CIMIP6: variants seen among roughly 807,000 people sequenced by gnomAD.
CIMIP6 encodes ciliary microtubule inner protein 6, also known as uncharacterized protein C2orf73.
At chr2:54,381,291 C>A in the CIMIP6 span, among the ~76,000 whole-genome samples, 637 of 152,278 alleles carry the variant, frequency 4.2e-3, 3 homozygotes, top group African/African-American at 0.015. Flanking sequence ...ATCTGAGGTT[C>A]TACTCCAATT....
chr2:54,335,046 T>G, the CIMIP6 span: 1 of 1,543,146 alleles, frequency 6.5e-7, no homozygotes, highest in African/African-American at 1.4e-5. Context: ...GTTCATTGTA[T>G]ACAAATAGAG....
At chr2:54,366,473 T>C in the CIMIP6 span, among the ~76,000 whole-genome samples, 1 of 152,202 alleles carries the variant, frequency 6.6e-6, no homozygotes, top group African/African-American at 2.4e-5. Context: ...TCCTAACTTA[T>C]ACAATGATTG....
chr2:54,338,501 A>T, the CIMIP6 span, among the ~76,000 whole-genome samples: 1 of 75,136 alleles, frequency 1.3e-5, no homozygotes, highest in Non-Finnish European at 3.5e-5. Context: ...CTCATTTCTA[A>T]CTATCCAAGA....
chr2:54,383,471 G>GA, the CIMIP6 span: 1 of 152,288 alleles, frequency 6.6e-6, no homozygotes, highest in African/African-American at 2.4e-5. Context: ...TGAAGCTCTA[G>GA]AAAGCCAAAG....
the CIMIP6 span, chr2:54,334,981 A>G: frequency 1.9e-6 from 3 of 1,605,780 alleles, no homozygotes; most frequent in African/African-American, 4.0e-5. Flanking sequence ...ACATACAATG[A>G]ACCATTTCCC....
chr2:54,359,385 T>C, the CIMIP6 span, among the ~76,000 whole-genome samples: 70 of 152,210 alleles, frequency 4.6e-4, no homozygotes, highest in East Asian at 0.011. Context: ...TGAAACCTCA[T>C]CTCAATCAAT....
the CIMIP6 span, chr2:54,343,593 C>A: frequency 3.5e-6 from 2 of 574,748 alleles, no homozygotes; most frequent in Non-Finnish European, 5.3e-6. Flanking sequence ...GATTTCAGAA[C>A]TCCACATTAG....
the CIMIP6 span, among the ~76,000 whole-genome samples, chr2:54,349,391 C>G: frequency 6.6e-6 from 1 of 152,054 alleles, no homozygotes; most frequent in African/African-American, 2.4e-5. Flanking sequence ...AAGTAAAACT[C>G]CTAAGTTCTC....
chr2:54,358,407 T>C, the CIMIP6 span, among the ~76,000 whole-genome samples: 32,623 of 152,104 alleles, frequency 0.21, 3,776 homozygotes, highest in East Asian at 0.48. Context: ...AACAATTTTT[T>C]TTTTTTTCCT....
chr2:54,375,495 A>T, the CIMIP6 span, among the ~76,000 whole-genome samples: 12 of 152,220 alleles, frequency 7.9e-5, no homozygotes, highest in East Asian at 2.3e-3. Flanking sequence ...GGGGGAAAGC[A>T]GGTACTTTAA....
chr2:54,363,424 C>T, the CIMIP6 span, among the ~76,000 whole-genome samples: 1 of 152,132 alleles, frequency 6.6e-6, no homozygotes, highest in Non-Finnish European at 1.5e-5. Flanking sequence ...AGCAGGGAAA[C>T]AGAAAGGGAA....
the CIMIP6 span, among the ~76,000 whole-genome samples, chr2:54,375,046 C>G: frequency 2.6e-5 from 4 of 152,148 alleles, no homozygotes; most frequent in African/African-American, 9.7e-5. Context: ...TTTAAGGCTT[C>G]TTTTTCTCAA....
At chr2:54,342,433 A>G in the CIMIP6 span, among the ~76,000 whole-genome samples, 14 of 152,284 alleles carry the variant, frequency 9.2e-5, no homozygotes, top group African/African-American at 3.1e-4. Flanking sequence ...AATTGTATAA[A>G]TTATCAATTT....
the CIMIP6 span, among the ~76,000 whole-genome samples, chr2:54,346,342 G>C: frequency 6.6e-6 from 1 of 152,248 alleles, no homozygotes; most frequent in African/African-American, 2.4e-5. Context: ...TCCAGTGGGG[G>C]TGAAACAAGG....
chr2:54,382,121 T>C, the CIMIP6 span: 9 of 1,137,850 alleles, frequency 7.9e-6, no homozygotes, highest in Non-Finnish European at 1.1e-5. Context: ...ACTATAGAAA[T>C]GTGAACAATG....
chr2:54,368,559 T>C, the CIMIP6 span, among the ~76,000 whole-genome samples: 1 of 152,238 alleles, frequency 6.6e-6, no homozygotes, highest in Non-Finnish European at 1.5e-5. Context: ...TGGAATGTCC[T>C]GCGTGAGAAG....
At chr2:54,349,887 C>T in the CIMIP6 span, among the ~76,000 whole-genome samples, 2 of 147,718 alleles carry the variant, frequency 1.4e-5, no homozygotes, top group East Asian at 2.0e-4. Context: ...CTCGCTCTGT[C>T]GCCCAGGCTG....
the CIMIP6 span, among the ~76,000 whole-genome samples, chr2:54,368,590 G>A: frequency 6.6e-6 from 1 of 152,278 alleles, no homozygotes; most frequent in Admixed American, 6.5e-5. Context: ...TTTACTTGGG[G>A]GCATTGAGCC....
the CIMIP6 span, among the ~76,000 whole-genome samples, chr2:54,357,939 T>G: frequency 2.0e-5 from 3 of 152,132 alleles, no homozygotes; most frequent in Non-Finnish European, 4.4e-5. Flanking sequence ...TTTACTTCAC[T>G]AAACTTTTTT....
Sources: gnomAD v4.1 joint callset for allele counts (sites outside exome capture counted in the v4.1 genomes callset) on GRCh38, gnomAD v4.1.1 for gene constraint, MANE v1.5 for transcripts, NCBI Gene and HGNC (gene_info 2026-07-23, HGNC 2026-07-21) for gene names.